PRMT2: variants seen among roughly 807,000 people sequenced by gnomAD.
The protein encoded by PRMT2 is protein arginine N-methyltransferase 2.
Under a neutral mutation model 57.6 loss-of-function variants are expected in PRMT2, and 26 were observed. The observed-to-expected ratio is 0.45, with a 90% CI of 0.33 to 0.63. The LOEUF is 0.63. Ranked by LOEUF, PRMT2 falls within the 20% of genes least tolerant of loss-of-function variation. The pLI is 0.02. For missense variants in PRMT2, 472 were observed against 564.4 expected (o/e 0.84, Z 1.66); for synonymous variants, 219 against 220.0 (o/e 1.00, Z 0.04).
At position 46,664,290 on chromosome 21, in the gene PRMT2, T is replaced by C. The variant is rs376078477; in HGVS notation, c.1270-5T>C. The C allele has an allele frequency of 4.0e-5, 64 of 1,607,650 alleles. No homozygotes were observed. The highest frequency in any genetic ancestry group is 5.2e-5 in the Non-Finnish European group (61 of 1,174,178). Reference sequence around the variant, plus strand: ...GATTGACCTGTTGTCATTTATCTTTTTCAGGTTGGAGAAAAAGTCTTCCCC... The same window carrying C: ...GATTGACCTGTTGTCATTTATCTTTCTCAGGTTGGAGAAAAAGTCTTCCCC... On this transcript the variant is annotated splice_polypyrimidine_tract_variant and splice_region_variant and intron_variant, in intron 11 of 11. Coordinates refer to ENST00000355680, the MANE Select transcript of PRMT2 (RefSeq NM_206962.4).
intron 7 of PRMT2, chr21:46,652,087 A>G: frequency 6.4e-7 from 1 of 1,568,388 alleles, no homozygotes; most frequent in Non-Finnish European, 8.6e-7. Context: ...CAGTCAGTGC[A>G]GCAAGGGCAT....
chr21:46,661,970 G>A (rs1209828630), intron 10 of PRMT2, 34 bp downstream of exon 10: 14 of 1,120,546 alleles, frequency 1.2e-5, no homozygotes, highest in Non-Finnish European at 1.6e-5. Context: ...GGGGTGCGGG[G>A]TGGGGGGCAG....
Position 46,643,506 on chromosome 21 carries a change from C to T in PRMT2, c.40-29C>T, listed in dbSNP as rs1233322338. 2.7e-6 allele frequency: 4 copies of T among 1,483,014 alleles called. No individual in the cohort carries two copies. The East Asian group carries it at 1.0e-4, about 37-fold the overall frequency. 91.9% of individuals were successfully genotyped at this position (1,483,014 alleles called of 1,614,324 possible). On this transcript the variant is annotated intron_variant, in intron 3 of 11. Coordinates refer to ENST00000355680, the MANE Select transcript of PRMT2 (RefSeq NM_206962.4). ...AAAAAAAAAAAAGCTCCAGCGTCCTCTCCTCACGCTTTCCTTGGCTTTGAG... is the reference window on the plus strand; with the variant it reads ...AAAAAAAAAAAAGCTCCAGCGTCCTTTCCTCACGCTTTCCTTGGCTTTGAG...
At chr21:46,660,275 G>A (rs753804327) in intron 8 of PRMT2, 7 of 588,774 alleles carry the variant, frequency 1.2e-5, no homozygotes, top group Non-Finnish European at 1.5e-5. Flanking sequence ...GGCGTCTAGT[G>A]TCTGTTTCTG....
Position 46,652,732 on chromosome 21 carries a change from TGAA to T in PRMT2, c.654+2995_654+2997del, listed in dbSNP as rs1380623815. ...TGTTTTTCCAGAAGCAGCAAAGTTC[TGAA>T]GGAGACGCAAGTAAAGATACCACAG... On this transcript the variant is annotated intron_variant, in intron 7 of 11. Transcript: ENST00000355680. 4.4e-6 allele frequency: 5 copies of T among 1,132,016 alleles called. No homozygotes were observed. The African/African-American group carries it at 6.6e-5, about 15-fold the overall frequency. The allele number at this position is 1,132,016 out of a possible 1,614,324, so 70.1% of individuals were successfully genotyped here.
rs762211772 is a variant in PRMT2 at position 46,660,847 on chromosome 21, A to C, written c.845A>C (p.Lys282Thr). The change falls in exon 9 of 12, where the codon AAG (lysine) becomes ACG (threonine). Residue 282 changes from lysine (K) to threonine (T), a missense_variant. Physicochemically the swap from Lys to Thr is moderately conservative, Grantham distance 78. Around this residue, in one of 2 missense-constraint regions of PRMT2, gnomAD observed 229 missense variants for 217.2 expected, o/e 1.05. Transcript: ENST00000355680. ...TTTTCCCCTAGATCTTTAGCAGTTA[A>C]GGAGTTTTTTTCAAAGCCCAAGTAT... is the stretch of plus-strand genomic sequence containing the variant. ...NLSALKSLAVKEFFSKPKYNH... is the reference protein window; with the variant it reads ...NLSALKSLAVTEFFSKPKYNH... 2 of 1,614,004 alleles carry C rather than the reference A, an allele frequency of 1.2e-6. No homozygotes were observed. The highest frequency in any genetic ancestry group is 1.7e-6 in the Non-Finnish European group (2 of 1,180,000).
intron 7 of PRMT2, among the ~76,000 whole-genome samples, chr21:46,651,284 G>T (rs1043162624): frequency 6.6e-6 from 1 of 152,198 alleles, no homozygotes; most frequent in African/African-American, 2.4e-5. Context: ...GAGCAGGACG[G>T]TGCCTCCCAG....
intron 4 of PRMT2, 40 bp from the exon 5 acceptor site, chr21:46,644,266 G>T: frequency 1.3e-6 from 2 of 1,578,644 alleles, no homozygotes; most frequent in South Asian, 1.2e-5. Context: ...AAATACCAAT[G>T]ACTGGTTTTC....
chr21:46,644,283 A>G (rs779858024), intron 4 of PRMT2, 23 bp from the exon 5 acceptor site: 1 of 1,597,800 alleles, frequency 6.3e-7, no homozygotes, highest in South Asian at 1.1e-5. Context: ...TTTCTTATTG[A>G]ATTTTAACTT....
chr21:46,645,556 A>G (rs1184380874), intron 5 of PRMT2, among the ~76,000 whole-genome samples: 1 of 152,210 alleles, frequency 6.6e-6, no homozygotes, highest in South Asian at 2.1e-4. Flanking sequence ...GGTCCAGGCA[A>G]CAATCTCTGG....
At chr21:46,654,282 T>C (rs1286298243) in intron 7 of PRMT2, 1 of 382,396 alleles carries the variant, frequency 2.6e-6, no homozygotes, top group African/African-American at 2.2e-5. Context: ...TTTAGAAAGA[T>C]TTTTAACAGT....
chr21:46,659,736 T>C (rs1465503767), intron 8 of PRMT2: 10 of 985,286 alleles, frequency 1.0e-5, no homozygotes, highest in Non-Finnish European at 1.2e-5. Context: ...TGCCAGAGCC[T>C]CCCACCTGAG....
chr21:46,662,485 A>G (rs1439178020), intron 10 of PRMT2, among the ~76,000 whole-genome samples: 1 of 152,080 alleles, frequency 6.6e-6, no homozygotes, highest in Non-Finnish European at 1.5e-5. Flanking sequence ...GAGGTCGCAG[A>G]GGTGCGGGGT....
chr21:46,659,856 G>A (rs1162913682), intron 8 of PRMT2: 6 of 985,242 alleles, frequency 6.1e-6, no homozygotes, highest in Non-Finnish European at 7.2e-6. Flanking sequence ...GAAACCATAG[G>A]TTTTTAGGGA....
intron 7 of PRMT2, chr21:46,651,894 C>A: frequency 6.2e-7 from 1 of 1,613,070 alleles, no homozygotes; most frequent in Non-Finnish European, 8.5e-7. Context: ...CTGCCTCTCC[C>A]CTGCACCTGT....
rs1476220624 is a variant in PRMT2 at position 46,658,840 on chromosome 21, G to C, written c.750G>C (p.Val250=). The C allele has an allele frequency of 6.2e-7, 1 of 1,614,210 alleles. No homozygotes were observed. Residue 250 remains valine, a synonymous_variant, in exon 8 of 12, where the codon GTG becomes GTC. Coordinates refer to ENST00000355680, the MANE Select transcript of PRMT2 (RefSeq NM_206962.4). ...IWPTMAALHL[V]PCSADKDYRS... is the part of the protein sequence containing the mutation. ...CCACCATGGCTGCGTTGCACCTTGT[G>C]CCCTGCAGTGCTGATAAGGATTATC...
chr21:46,653,104 C>A, intron 7 of PRMT2: 1 of 985,428 alleles, frequency 1.0e-6, no homozygotes, highest in Non-Finnish European at 1.2e-6. Flanking sequence ...TTCCGTTATT[C>A]TCTTTAGCTC....
At chr21:46,647,211 G>T (rs1351894288) in intron 5 of PRMT2, among the ~76,000 whole-genome samples, 7 of 152,114 alleles carry the variant, frequency 4.6e-5, no homozygotes, top group Non-Finnish European at 8.8e-5. Context: ...TCTTTTATGT[G>T]TTTATGGGCC....
intron 11 of PRMT2, 69 bp downstream of exon 11, chr21:46,663,623 G>C: frequency 3.3e-6 from 5 of 1,523,926 alleles, no homozygotes; most frequent in Non-Finnish European, 4.5e-6. Flanking sequence ...CTGGGTGGTG[G>C]TAGTGATGGC....
Sources: gnomAD v4.1 joint callset for allele counts (sites outside exome capture counted in the v4.1 genomes callset) on GRCh38, gnomAD v4.1.1 for gene constraint, gnomAD v4.1.1 regional missense constraint, MANE v1.5 for transcripts, NCBI Gene and HGNC (gene_info 2026-07-23, HGNC 2026-07-21) for gene names.